Variants in LIMD1 observed in about 807,000 individuals in gnomAD.
LIMD1 encodes the protein LIM domain-containing protein 1.
LIMD1 carries 23 observed loss-of-function variants against 58.4 expected under a neutral mutation model. The ratio of observed to expected loss-of-function variants is 0.39; its 90% confidence interval spans 0.28 to 0.56. The LOEUF (loss-of-function observed/expected upper bound fraction) is 0.56, where lower values mean the gene tolerates loss of function less well. LIMD1 is among the 20% of genes least tolerant of loss of function. The pLI is 0.57. For synonymous variants in LIMD1, 334 were observed against 345.5 expected (o/e 0.97, Z 0.37); for missense variants, 838 against 855.5 (o/e 0.98, Z 0.25).
chr3:45,660,320 A>G (rs6773659), intron 2 of LIMD1, among the ~76,000 whole-genome samples: 5 of 151,318 alleles, frequency 3.3e-5, no homozygotes, highest in Non-Finnish European at 7.4e-5. Flanking sequence ...GGGGAGCTCC[A>G]CAAGTAAAGA....
At chr3:45,621,328 C>T (rs79090727) in intron 1 of LIMD1, among the ~76,000 whole-genome samples, 2,348 of 152,210 alleles carry the variant, frequency 0.015, 52 homozygotes, top group African/African-American at 0.054. Context: ...CTCCCAGGCT[C>T]GAACAATCCT....
chr3:45,599,004 G>T (rs193159296), intron 1 of LIMD1, among the ~76,000 whole-genome samples: 3 of 152,094 alleles, frequency 2.0e-5, no homozygotes, highest in Admixed American at 2.0e-4. Flanking sequence ...ACTTACTGGC[G>T]GTGTCACAGG....
At chr3:45,669,672 CAT>C (rs925112382) in intron 4 of LIMD1, among the ~76,000 whole-genome samples, 6 of 152,178 alleles carry the variant, frequency 3.9e-5, no homozygotes, top group African/African-American at 1.4e-4. Context: ...TAAATAGAAA[CAT>C]ATAGTATAGA....
chr3:45,620,378 G>C (rs1001180673), intron 1 of LIMD1, among the ~76,000 whole-genome samples: 2 of 152,302 alleles, frequency 1.3e-5, no homozygotes, highest in Middle Eastern at 3.4e-3. Flanking sequence ...AAATACATAA[G>C]TGGGGAGAAG....
intron 4 of LIMD1, among the ~76,000 whole-genome samples, chr3:45,672,371 A>ATC (rs1355533492): frequency 6.6e-6 from 1 of 151,800 alleles, no homozygotes; most frequent in Non-Finnish European, 1.5e-5. Context: ...CTTCCTTACC[A>ATC]TCTCTTTCTC....
intron 2 of LIMD1, among the ~76,000 whole-genome samples, chr3:45,656,332 G>A (rs1419295115): frequency 6.6e-6 from 1 of 152,130 alleles, no homozygotes; most frequent in African/African-American, 2.4e-5. Context: ...AAGAGAGACA[G>A]TATAGTGTGG....
In LIMD1 at chr3:45,594,855, C is replaced by G; in HGVS notation, c.-25C>G. 1 of 1,508,072 alleles carries G rather than the reference C, an allele frequency of 6.6e-7. No homozygotes were observed. Among genetic ancestry groups the G allele is most frequent in the Non-Finnish European group, 8.9e-7 (1 of 1,118,692 alleles). 93.4% of individuals were successfully genotyped at this position (1,508,072 alleles called of 1,614,324 possible). ...CACACACACACACACGGCACCTGGG[C>G]TAGGCCCGGACACCTGTCTGCAGCA... On this transcript the variant is annotated 5_prime_UTR_variant, in exon 1 of 8. Coordinates refer to ENST00000273317, the MANE Select transcript of LIMD1 (RefSeq NM_014240.3).
rs1697758519 is a variant in LIMD1 at position 45,682,603 on chromosome 3, GT to G, written c.*5546del. The stretch of plus-strand genomic sequence containing the variant: ...GCAGATGTTATTCCAAGGACTGTAT[GT>G]TCTTTATCATCCCTCATTTGATAGA... On this transcript the variant is annotated 3_prime_UTR_variant, in exon 8 of 8. Transcript: ENST00000273317. The G allele has an allele frequency of 6.6e-6, 1 of 152,246 alleles. No homozygotes were observed. Among genetic ancestry groups the G allele is most frequent in the Non-Finnish European group, 1.5e-5 (1 of 68,062 alleles). 9.4% of individuals were successfully genotyped at this position (152,246 alleles called of 1,614,324 possible).
At chr3:45,648,768 A>G (rs1039026638) in intron 2 of LIMD1, among the ~76,000 whole-genome samples, 2 of 133,776 alleles carry the variant, frequency 1.5e-5, no homozygotes, top group Non-Finnish European at 3.2e-5. Flanking sequence ...TAACTATCCT[A>G]TTTGGTGTGA....
chr3:45,615,600 C>A (rs906239840), intron 1 of LIMD1, among the ~76,000 whole-genome samples: 1 of 151,746 alleles, frequency 6.6e-6, no homozygotes, highest in African/African-American at 2.4e-5. Context: ...ACTAAAAATG[C>A]GAAAAATTAG....
At chr3:45,627,370 A>T (rs899005145) in intron 1 of LIMD1, among the ~76,000 whole-genome samples, 1 of 152,242 alleles carries the variant, frequency 6.6e-6, no homozygotes. Context: ...GATTTTGCGC[A>T]TTAGATTTAA....
At chr3:45,596,436 T>C in intron 1 of LIMD1, 149 bp downstream of exon 1, 1 of 673,384 alleles carries the variant, frequency 1.5e-6, no homozygotes, top group Non-Finnish European at 2.5e-6. Flanking sequence ...GCTTCCTCTT[T>C]CAGCTGCTTT....
chr3:45,594,923 T>A lies in LIMD1; in HGVS notation c.44T>A (p.Ile15Asn), dbSNP rs1701326913. The change falls in exon 1 of 8, where the codon ATC (isoleucine) becomes AAC (asparagine). Residue 15 changes from isoleucine to asparagine, a missense_variant. Coordinates refer to ENST00000273317, the MANE Select transcript of LIMD1 (RefSeq NM_014240.3). Reference sequence around the variant, plus strand: ...CTGGGCCTGGAGGCCAGTAAATTCATCGAGGACCTGAACATGTATGAGGCC... The same window carrying A: ...CTGGGCCTGGAGGCCAGTAAATTCAACGAGGACCTGAACATGTATGAGGCC... ...DDLGLEASKF[I>N]EDLNMYEASK... 1 of 1,612,514 alleles carries A rather than the reference T, an allele frequency of 6.2e-7. No individual in the cohort carries two copies. The highest frequency in any genetic ancestry group is 8.5e-7 in the Non-Finnish European group (1 of 1,179,854).
At chr3:45,667,836 G>A (rs543760206) in intron 3 of LIMD1, among the ~76,000 whole-genome samples, 3 of 152,168 alleles carry the variant, frequency 2.0e-5, no homozygotes, top group East Asian at 1.9e-4. Context: ...ATTGTTGTAA[G>A]CATTAGAGTG....
At chr3:45,659,871 C>T (rs1181273953) in intron 2 of LIMD1, among the ~76,000 whole-genome samples, 1 of 152,194 alleles carries the variant, frequency 6.6e-6, no homozygotes, top group Admixed American at 6.5e-5. Context: ...AGTTTATCAT[C>T]TTACACTCTC....
At chr3:45,649,896 T>C (rs912881193) in intron 2 of LIMD1, among the ~76,000 whole-genome samples, 1 of 144,426 alleles carries the variant, frequency 6.9e-6, no homozygotes, top group East Asian at 2.1e-4. Context: ...TAATGAGAAA[T>C]CTGATATCTC....
intron 1 of LIMD1, 37 bp from the exon 2 acceptor site, chr3:45,636,113 C>T (rs1174694160): frequency 6.2e-7 from 1 of 1,608,446 alleles, no homozygotes; most frequent in South Asian, 1.1e-5. Flanking sequence ...TACACTGGTT[C>T]CCTCCTGACT....
In LIMD1 at chr3:45,674,350, A is replaced by G; in HGVS notation, c.1832A>G (p.Asp611Gly). Residue 611 changes from aspartate to glycine, a missense_variant, in exon 7 of 8, where the codon GAT becomes GGT. Asp to Gly is a moderately conservative substitution (Grantham distance 94). Around this residue, in one of 3 missense-constraint regions of LIMD1, gnomAD observed 174 missense variants for 197.4 expected, o/e 0.88. Coordinates refer to ENST00000273317, the MANE Select transcript of LIMD1 (RefSeq NM_014240.3). ...GCTTTTCTCTGGTCCCAGGGCTCAG[A>G]TGAGACCATCCGTGTCGTGTCCATG... is the stretch of plus-strand genomic sequence containing the variant. ...GLPILPPEGS[D>G]ETIRVVSMDR... 1.2e-6 allele frequency: 2 copies of G among 1,613,766 alleles called. No individual in the cohort carries two copies. Among genetic ancestry groups the G allele is most frequent in the Non-Finnish European group, 1.7e-6 (2 of 1,179,852 alleles).
Position 45,672,775 on chromosome 3 carries a change from C to A in LIMD1, c.1727C>A (p.Thr576Asn). ...CNECLDGVPFTVDSENKIYCV... is the reference protein window; with the variant it reads ...CNECLDGVPFNVDSENKIYCV... ...GAGTGTTTGGATGGGGTGCCCTTCA[C>A]CGTGGACTCAGAGAACAAGATCTAC... The change falls in exon 5 of 8, where the codon ACC becomes AAC. Residue 576 changes from threonine to asparagine, a missense_variant. Transcript: ENST00000273317. 2 of 1,614,084 alleles carry A rather than the reference C, an allele frequency of 1.2e-6. No individual in the cohort carries two copies. The highest frequency in any genetic ancestry group is 1.7e-6 in the Non-Finnish European group (2 of 1,179,998).
Sources: allele counts gnomAD v4.1 joint callset (sites outside exome capture counted in the v4.1 genomes callset), GRCh38; gene constraint gnomAD v4.1.1; regional missense constraint gnomAD v4.1.1; transcripts MANE v1.5; gene names NCBI Gene and HGNC (gene_info 2026-07-23, HGNC 2026-07-21).